Variants in RCN2 observed in about 807,000 individuals in gnomAD.
RCN2 encodes reticulocalbin-2.
A neutral mutation model predicts 37.5 loss-of-function variants in RCN2; 23 were observed. That is an observed-to-expected ratio of 0.61 (90% CI 0.44 to 0.87). RCN2 has a LOEUF of 0.87. Among genes scored for constraint, RCN2 ranks in the 40% least tolerant of loss-of-function variants. The pLI is 0.00. For missense variants in RCN2, 381 were observed against 390.4 expected (o/e 0.98, Z 0.20); for synonymous variants, 140 against 144.6 (o/e 0.97, Z 0.23).
intron 2 of RCN2, among the ~76,000 whole-genome samples, chr15:76,932,894 C>T (rs902483702): frequency 6.6e-6 from 1 of 152,028 alleles, no homozygotes; most frequent in Non-Finnish European, 1.5e-5. Context: ...CTGTGAATTA[C>T]GTTTATTATA....
Position 76,935,634 on chromosome 15 carries a change from A to G in RCN2, c.359A>G (p.Asp120Gly). The G allele has an allele frequency of 6.2e-7, 1 of 1,613,850 alleles. No individual in the cohort carries two copies. Among genetic ancestry groups the G allele is most frequent in the Non-Finnish European group, 8.5e-7 (1 of 1,179,698 alleles). ...AACAGTGATGATACTGTGACTTGGG[A>G]TGAATATAACATTCAGATGTATGAT... ...DKNSDDTVTW[D>G]EYNIQMYDRV... is the part of the protein sequence containing the mutation. The change falls in exon 3 of 7, where the codon GAT (aspartate) becomes GGT (glycine). Residue 120 changes from aspartate to glycine, a missense_variant. Coordinates refer to ENST00000394885, the MANE Select transcript of RCN2 (RefSeq NM_002902.3).
intron 3 of RCN2, among the ~76,000 whole-genome samples, chr15:76,940,518 G>T (rs557479800): frequency 2.7e-5 from 4 of 149,164 alleles, no homozygotes; most frequent in African/African-American, 9.8e-5. Context: ...TATAACTGAC[G>T]AAAGTCAGCT....
At position 76,941,698 on chromosome 15, in the gene RCN2, A is replaced by G. The variant is rs1353759086; in HGVS notation, c.448-2060A>G. 71 of 1,428,566 alleles carry G rather than the reference A, an allele frequency of 5.0e-5. No individual in the cohort carries two copies. In the Admixed American group the frequency reaches 1.4e-3, roughly 28 times the overall value. The allele number at this position is 1,428,566 out of a possible 1,614,324, so 88.5% of individuals were successfully genotyped here. The stretch of plus-strand genomic sequence containing the variant: ...TGGCTTCTTCGATTTAATGTGAGCT[A>G]TTCTTATTTTGTGTTCTTCAAATGG... On this transcript the variant is annotated intron_variant, in intron 3 of 6. Transcript: ENST00000394885.
rs550385812 is a variant in RCN2, at chr15:76,937,679, A to G, written c.447+1957A>G. Reference sequence around the variant, plus strand: ...CACCTCAGCCTCCCAAAGTGCTAGGATTACAGGTGTAAGCCACGACACCTG... The same window carrying G: ...CACCTCAGCCTCCCAAAGTGCTAGGGTTACAGGTGTAAGCCACGACACCTG... On this transcript the variant is annotated intron_variant, in intron 3 of 6. Transcript: ENST00000394885. 1.8e-4 allele frequency among the ~76,000 whole-genome samples: 28 copies of G among 152,302 alleles called. No homozygotes were observed. The South Asian group carries it at 4.3e-3, about 24-fold the overall frequency.
At chr15:76,941,695 G>A in intron 3 of RCN2, 1 of 1,441,480 alleles carries the variant, frequency 6.9e-7, no homozygotes, top group Non-Finnish European at 9.3e-7. Flanking sequence ...TTTAATGTGA[G>A]CTATTCTTAT....
In RCN2 at chr15:76,939,266, AT is replaced by A. The variant is rs879423632; in HGVS notation, c.447+3545del. On this transcript the variant is annotated intron_variant, in intron 3 of 6. Coordinates refer to ENST00000394885, the MANE Select transcript of RCN2 (RefSeq NM_002902.3). ...AATAAATAAATAAATAAATAAATAA[AT>A]AAATAAATAAAAATTTCCTCTTTAG... is the stretch of plus-strand genomic sequence containing the variant. Among the ~76,000 whole-genome samples, 676 of 148,142 alleles carry A rather than the reference AT, an allele frequency of 4.6e-3. 4 individuals are homozygous for A. The highest frequency in any genetic ancestry group is 0.016 in the African/African-American group (600 of 38,434).
Position 76,949,108 on chromosome 15 carries a change from C to CA in RCN2, c.845dup (p.Leu283AlafsTer3). On this transcript the variant is annotated frameshift_variant, in exon 7 of 7. Transcript: ENST00000394885. LOFTEE classifies it high-confidence loss of function. ...TTGATGAAATGGATTTGAATGGTGA[C>CA]AAAAAGCTCTCTGAAGAAGAGATTC... 6.2e-7 allele frequency: 1 copy of CA among 1,611,406 alleles called. No individual in the cohort carries two copies. The highest frequency in any genetic ancestry group is 8.5e-7 in the Non-Finnish European group (1 of 1,179,134).
chr15:76,936,645 G>A (rs1458718474), intron 3 of RCN2, among the ~76,000 whole-genome samples: 2 of 152,154 alleles, frequency 1.3e-5, no homozygotes, highest in East Asian at 1.9e-4. Flanking sequence ...CCGCGACCTA[G>A]GGATTGAGGG....
rs1462105922 is a variant in RCN2 at position 76,952,232 on chromosome 15, TTTACA to T, written c.*3014_*3018del. ...TATCATTGTCACCCAAAGTGCATAG[TTTACA>T]TTAGGGTTCACTCTTGGTGCTGCAC... On this transcript the variant is annotated 3_prime_UTR_variant, in exon 7 of 7. Coordinates refer to ENST00000394885, the MANE Select transcript of RCN2 (RefSeq NM_002902.3). 6.6e-6 allele frequency: 1 copy of T among 152,176 alleles called. No homozygotes were observed. The highest frequency in any genetic ancestry group is 2.4e-5 in the African/African-American group (1 of 41,430). The allele number at this position is 152,176 out of a possible 1,614,324, so 9.4% of individuals were successfully genotyped here.
At chr15:76,938,642 A>G (rs2075263302) in intron 3 of RCN2, 3 of 431,354 alleles carry the variant, frequency 7.0e-6, no homozygotes, top group East Asian at 7.3e-5. Context: ...TAAGTGTGCT[A>G]TTTATTTAGA....
At chr15:76,937,163 C>T (rs1204279858) in intron 3 of RCN2, among the ~76,000 whole-genome samples, 3 of 152,108 alleles carry the variant, frequency 2.0e-5, no homozygotes, top group African/African-American at 4.8e-5. Context: ...GGTTGAGTAT[C>T]CCTAATTCCA....
chr15:76,934,399 C>T (rs2075238010), intron 2 of RCN2, among the ~76,000 whole-genome samples: 1 of 152,196 alleles, frequency 6.6e-6, no homozygotes, highest in Non-Finnish European at 1.5e-5. Context: ...GCCTCAGCCT[C>T]CCAAAGTGCT....
rs1485344341 is a variant in RCN2, at chr15:76,949,139, A to C, written c.871A>C (p.Asn291His). ...GCTCTCTGAAGAAGAGATTCTGGAAAACCCGGACTTGTTTCTCACCAGTGA... is the reference window on the plus strand; with the variant it reads ...GCTCTCTGAAGAAGAGATTCTGGAACACCCGGACTTGTTTCTCACCAGTGA... ...KKLSEEEILE[N>H]PDLFLTSEAT... The change falls in exon 7 of 7, where the codon AAC becomes CAC. Residue 291 changes from asparagine (N) to histidine (H), a missense_variant. Coordinates refer to ENST00000394885, the MANE Select transcript of RCN2 (RefSeq NM_002902.3). 1 of 1,613,318 alleles carries C rather than the reference A, an allele frequency of 6.2e-7. No individual in the cohort carries two copies. Among genetic ancestry groups the C allele is most frequent in the Non-Finnish European group, 8.5e-7 (1 of 1,179,694 alleles).
chr15:76,932,513 G>A (rs2152649115), intron 2 of RCN2, 47 bp downstream of exon 2: 6 of 1,289,354 alleles, frequency 4.7e-6, no homozygotes, highest in Non-Finnish European at 6.7e-6. Context: ...ACACAAATAT[G>A]TTAAGCAGCG....
chr15:76,938,833 C>T (rs1170673478), intron 3 of RCN2: 1 of 445,356 alleles, frequency 2.2e-6, no homozygotes, highest in East Asian at 7.1e-5. Context: ...ATTAAACTTT[C>T]ATGTGCCTCA....
Position 76,934,768 on chromosome 15 carries a change from ACT to A in RCN2, c.251-757_251-756del, listed in dbSNP as rs1491502245. On this transcript the variant is annotated intron_variant, in intron 2 of 6. Coordinates refer to ENST00000394885, the MANE Select transcript of RCN2 (RefSeq NM_002902.3). Reference sequence around the variant, plus strand: ...TATGTCACCTTCATAAATAAAAAACACTGTTTTTTCTCATACATACTAAAATA... The same window carrying A: ...TATGTCACCTTCATAAATAAAAAACAGTTTTTTCTCATACATACTAAAATA... Among the ~76,000 whole-genome samples, 4 of 152,318 alleles carry A rather than the reference ACT, an allele frequency of 2.6e-5. No individual in the cohort carries two copies. In the East Asian group the frequency reaches 7.7e-4, roughly 29 times the overall value.
rs78403162 is a variant in RCN2, at chr15:76,952,555, G to A, written c.*3333G>A. The A allele has an allele frequency of 2.6e-5, 4 of 152,160 alleles. No individual in the cohort carries two copies. The highest frequency in any genetic ancestry group is 2.0e-4 in the Admixed American group (3 of 15,286). 9.4% of individuals were successfully genotyped at this position (152,160 alleles called of 1,614,324 possible). A position where few individuals can be genotyped will look rare whatever the true frequency, so the allele number is the denominator to read the frequency against. On this transcript the variant is annotated 3_prime_UTR_variant, in exon 7 of 7. Coordinates refer to ENST00000394885, the MANE Select transcript of RCN2 (RefSeq NM_002902.3). ...TCTCCATGAACTTCATTTGTAAAAC[G>A]GAAATTTATACCCATTAAACAATAA...
chr15:76,948,392 G>T lies in RCN2; in HGVS notation c.659-18G>T. 6.4e-7 allele frequency: 1 copy of T among 1,552,502 alleles called. No individual in the cohort carries two copies. Among genetic ancestry groups the T allele is most frequent in the East Asian group, 2.3e-5 (1 of 43,966 alleles). On this transcript the variant is annotated intron_variant, in intron 5 of 6. Transcript: ENST00000394885. The stretch of plus-strand genomic sequence containing the variant: ...GTGATATTCTTGTGTATGTATATTT[G>T]TGTTTTTTTATATTAAGCTGCAAAT...
intron 3 of RCN2, among the ~76,000 whole-genome samples, chr15:76,936,305 A>C (rs1222105192): frequency 1.3e-5 from 2 of 151,876 alleles, no homozygotes; most frequent in Non-Finnish European, 2.9e-5. Flanking sequence ...TAATCTAGAG[A>C]TGATTTAAAG....
Sources: gnomAD v4.1 joint callset for allele counts (sites outside exome capture counted in the v4.1 genomes callset) on GRCh38, gnomAD v4.1.1 for gene constraint, MANE v1.5 for transcripts, NCBI Gene and HGNC (gene_info 2026-07-23, HGNC 2026-07-21) for gene names.